Variants in POLE3 observed in about 807,000 individuals in gnomAD.
POLE3 encodes the protein DNA polymerase epsilon 3, accessory subunit.
In POLE3, 10 loss-of-function variants were observed where a neutral mutation model predicts 16.1. The observed-to-expected ratio is 0.62, with a 90% CI of 0.38 to 1.05. The LOEUF is 1.05. POLE3 is among the 50% of genes least tolerant of loss of function. POLE3 has a pLI of 0.01. For missense variants in POLE3, 169 were observed against 185.0 expected (o/e 0.91, Z 0.50); for synonymous variants, 83 against 71.0 (o/e 1.17, Z -0.85).
In POLE3 at chr9:113,410,424, G is replaced by A. The variant is rs535383231; in HGVS notation, c.-115-16C>T. 131 of 788,014 alleles carry A rather than the reference G, an allele frequency of 1.7e-4. No homozygotes were observed. The highest frequency in any genetic ancestry group is 1.4e-3 in the African/African-American group (85 of 58,950). 48.8% of individuals were successfully genotyped at this position (788,014 alleles called of 1,614,324 possible). Reference sequence around the variant, plus strand: ...CCCACGTGGCCTACAGTGTCCCACAGTGCTCTGAGCGCCATAGCCTCCCTC... The same window carrying A: ...CCCACGTGGCCTACAGTGTCCCACAATGCTCTGAGCGCCATAGCCTCCCTC... On this transcript the variant is annotated splice_polypyrimidine_tract_variant and intron_variant, in intron 1 of 4. Coordinates refer to ENST00000374171, the MANE Select transcript of POLE3 (RefSeq NM_017443.5).
chr9:113,410,381 G>A lies in POLE3; in HGVS notation c.-88C>T. 1.5e-6 allele frequency: 2 copies of A among 1,297,818 alleles called. No homozygotes were observed. The highest frequency in any genetic ancestry group is 2.5e-5 in the East Asian group (1 of 40,390). The allele number at this position is 1,297,818 out of a possible 1,614,324, so 80.4% of individuals were successfully genotyped here. On this transcript the variant is annotated 5_prime_UTR_variant, in exon 2 of 5. Coordinates refer to ENST00000374171, the MANE Select transcript of POLE3 (RefSeq NM_017443.5). ...TCCCGCGTCGCTACGGTCTGACCCT[G>A]CGAGGTTTCCGTTCCGCCCCACGTG... is the stretch of plus-strand genomic sequence containing the variant.
At chr9:113,409,359 C>CA (rs35481754) in intron 4 of POLE3, among the ~76,000 whole-genome samples, 1,647 of 89,118 alleles carry the variant, frequency 0.018, 25 homozygotes, top group East Asian at 0.064. Flanking sequence ...GACTCCGTCT[C>CA]AAAAAAAAAA....
chr9:113,408,723 C>CT lies in POLE3; in HGVS notation c.*87dup, dbSNP rs1319532475. The CT allele has an allele frequency of 3.6e-6, 4 of 1,122,962 alleles. No homozygotes were observed. The highest frequency in any genetic ancestry group is 5.2e-6 in the Non-Finnish European group (4 of 764,418). The allele number at this position is 1,122,962 out of a possible 1,614,324, so 69.6% of individuals were successfully genotyped here. A position where few individuals can be genotyped will look rare whatever the true frequency, so the allele number is the denominator to read the frequency against. On this transcript the variant is annotated 3_prime_UTR_variant, in exon 5 of 5. Coordinates refer to ENST00000374171, the MANE Select transcript of POLE3 (RefSeq NM_017443.5). ...TCAGGCACTTTTGCCTGAGACTACT[C>CT]TGCCCAGCATGGAAAAGCTTCACAG...
At chr9:113,409,043 G>A (rs34106027) in intron 4 of POLE3, 60 bp from the exon 5 acceptor site, 79,165 of 1,486,958 alleles carry the variant, frequency 0.053, 2,419 homozygotes, top group South Asian at 0.098. Flanking sequence ...ACGGACTGCA[G>A]GAGCTAATTA....
At position 113,408,686 on chromosome 9, in the gene POLE3, A is replaced by G; in HGVS notation, c.*125T>C. 1 of 754,554 alleles carries G rather than the reference A, an allele frequency of 1.3e-6. No individual in the cohort carries two copies. Among genetic ancestry groups the G allele is most frequent in the Non-Finnish European group, 2.2e-6 (1 of 447,982 alleles). 46.7% of individuals were successfully genotyped at this position (754,554 alleles called of 1,614,324 possible). On this transcript the variant is annotated 3_prime_UTR_variant, in exon 5 of 5. Transcript: ENST00000374171. ...TTGACGGTATTTCTAGTCAGTTTTTATTCTGATCTTTTCAGGCACTTTTGC... is the reference window on the plus strand; with the variant it reads ...TTGACGGTATTTCTAGTCAGTTTTTGTTCTGATCTTTTCAGGCACTTTTGC...
Position 113,410,520 on chromosome 9 carries a change from C to T in POLE3, c.-116+97G>A, listed in dbSNP as rs561783060. 7.4e-4 allele frequency: 441 copies of T among 597,816 alleles called. 2 individuals carry two copies. The highest frequency in any genetic ancestry group is 4.7e-3 in the African/African-American group (252 of 54,064). 37.0% of individuals were successfully genotyped at this position (597,816 alleles called of 1,614,324 possible). On this transcript the variant is annotated intron_variant, in intron 1 of 4. Transcript: ENST00000374171. ...ATTTTGAAGCCGCAGTGGTTTTGGC[C>T]CGCCAAGGCTTCCATCCAACCCTAC...
rs1299223971 is a variant in POLE3, at chr9:113,410,154, G to C, written c.67-14C>G. ...ACCGTCCGGGAGCTGCGAGGAGACC[G>C]GGGGTGAGCAAAGCTGCCGTTCCAG... On this transcript the variant is annotated splice_polypyrimidine_tract_variant and intron_variant, in intron 2 of 4. Coordinates refer to ENST00000374171, the MANE Select transcript of POLE3 (RefSeq NM_017443.5). 3 of 1,603,330 alleles carry C rather than the reference G, an allele frequency of 1.9e-6. No homozygotes were observed. The highest frequency in any genetic ancestry group is 3.5e-4 in the Middle Eastern group (2 of 5,706).
At position 113,408,610 on chromosome 9, in the gene POLE3, G is replaced by A. The variant is rs1386079263; in HGVS notation, c.*201C>T. 2.1e-6 allele frequency: 1 copy of A among 483,256 alleles called. No individual in the cohort carries two copies. Among genetic ancestry groups the A allele is most frequent in the South Asian group, 3.2e-5 (1 of 31,028 alleles). The allele number at this position is 483,256 out of a possible 1,614,324, so 29.9% of individuals were successfully genotyped here. ...AGGCCATAACCTTCAGATTGATGAA[G>A]CAAAACAGGATTCTGCTACTCAGAT... On this transcript the variant is annotated 3_prime_UTR_variant, in exon 5 of 5. Coordinates refer to ENST00000374171, the MANE Select transcript of POLE3 (RefSeq NM_017443.5).
At chr9:113,409,183 G>A (rs1217753643) in intron 4 of POLE3, among the ~76,000 whole-genome samples, 200 bp from the exon 5 acceptor site, 1 of 152,002 alleles carries the variant, frequency 6.6e-6, no homozygotes, top group African/African-American at 2.4e-5. Flanking sequence ...CCAATATGGT[G>A]AAACCCCGTC....
In POLE3 at chr9:113,410,093, G is replaced by A. The variant is rs371304952; in HGVS notation, c.114C>T (p.Ser38=). The A allele has an allele frequency of 4.4e-6, 7 of 1,584,582 alleles. No individual in the cohort carries two copies. The highest frequency in any genetic ancestry group is 6.0e-6 in the Non-Finnish European group (7 of 1,166,012). Residue 38 remains serine, a synonymous_variant, in exon 3 of 5, where the codon TCC becomes TCT. Coordinates refer to ENST00000374171, the MANE Select transcript of POLE3 (RefSeq NM_017443.5). Reference sequence around the variant, plus strand: ...ACAGCACGAAGACGCTGGCGGCGCGGGAGATGGCGCTCCGGGCCTCCTTGG... The same window carrying A: ...ACAGCACGAAGACGCTGGCGGCGCGAGAGATGGCGCTCCGGGCCTCCTTGG... The part of the protein sequence containing the change: ...NISKEARSAI[S]RAASVFVLYA...
intron 1 of POLE3, 25 bp downstream of exon 1, chr9:113,410,592 A>G (rs146761093): frequency 1.4e-5 from 7 of 495,962 alleles, no homozygotes; most frequent in African/African-American, 5.8e-5. Flanking sequence ...GCTTCTCGCC[A>G]TCGCCGCGTC....
chr9:113,408,835 ATTCTG>A lies in POLE3; in HGVS notation c.415_419del (p.Gln139Ter). On this transcript the variant is annotated frameshift_variant, in exon 5 of 5. Transcript: ENST00000374171. LOFTEE classifies it high-confidence loss of function. ...TTCAGTTGTCTACTTCTTCCTCTTC[ATTCTG>A]TTCTTCTTCTTCCAGCCTTTCTTCG... The A allele has an allele frequency of 3.7e-6, 6 of 1,613,624 alleles. No individual in the cohort carries two copies. The highest frequency in any genetic ancestry group is 5.1e-6 in the Non-Finnish European group (6 of 1,179,778).
intron 3 of POLE3, 54 bp downstream of exon 3, chr9:113,410,001 A>T (rs980950037): frequency 4.9e-6 from 7 of 1,430,718 alleles, no homozygotes; most frequent in Non-Finnish European, 6.7e-6. Flanking sequence ...GCTCCCAGCC[A>T]GCAACTCCCA....
upstream of POLE3, chr9:113,410,698 A>G (rs1828093977): frequency 8.3e-6 from 2 of 241,214 alleles, no homozygotes; most frequent in Non-Finnish European, 1.7e-5. Context: ...GGCCGGGCGC[A>G]GCGCGTGGGA....
At position 113,408,852 on chromosome 9, in the gene POLE3, C is replaced by T. The variant is rs1165181839; in HGVS notation, c.403G>A (p.Glu135Lys). The part of the protein sequence containing the change: ...EDNDEDEERL[E>K]EEEQNEEEEV... ...TCCTCTTCATTCTGTTCTTCTTCTT[C>T]CAGCCTTTCTTCGTCTTCATCATTG... Residue 135 changes from glutamate to lysine, a missense_variant, in exon 5 of 5, where the codon GAA becomes AAA. By Grantham distance (56) the Glu-to-Lys change is moderately conservative. Transcript: ENST00000374171. The T allele has an allele frequency of 6.2e-7, 1 of 1,613,598 alleles. No individual in the cohort carries two copies. The highest frequency in any genetic ancestry group is 8.5e-7 in the Non-Finnish European group (1 of 1,179,718).
chr9:113,408,561 T>A lies in POLE3; in HGVS notation c.*250A>T. ...AAAGCGAGCAAACTGACTAATTTAG[T>A]CGTTCAGAATCCCTCTTGTCAAAAG... On this transcript the variant is annotated 3_prime_UTR_variant, in exon 5 of 5. Coordinates refer to ENST00000374171, the MANE Select transcript of POLE3 (RefSeq NM_017443.5). 1 of 318,360 alleles carries A rather than the reference T, an allele frequency of 3.1e-6. No homozygotes were observed. Among genetic ancestry groups the A allele is most frequent in the East Asian group, 5.7e-5 (1 of 17,448 alleles). 19.7% of individuals were successfully genotyped at this position (318,360 alleles called of 1,614,324 possible).
At position 113,407,725 on chromosome 9, in the gene POLE3, G is replaced by GT. The variant is rs1827970385; in HGVS notation, c.*1085dup. The GT allele has an allele frequency of 6.6e-6, 1 of 152,182 alleles. No individual in the cohort carries two copies. 9.4% of individuals were successfully genotyped at this position (152,182 alleles called of 1,614,324 possible). A position where few individuals can be genotyped will look rare whatever the true frequency, so the allele number is the denominator to read the frequency against. On this transcript the variant is annotated 3_prime_UTR_variant, in exon 5 of 5. Coordinates refer to ENST00000374171, the MANE Select transcript of POLE3 (RefSeq NM_017443.5). ...AGACTCCATCTCTTAAAAACAAAAC[G>GT]TGAGATTAGAACTAAGGAATCAAGA...
rs2119030197 is a variant in POLE3 at position 113,407,277 on chromosome 9, C to T, written c.*1534G>A. On this transcript the variant is annotated 3_prime_UTR_variant, in exon 5 of 5. Transcript: ENST00000374171. ...TATTTGTACAAAGCATTACAATCTT[C>T]TCAGCATTCTTCACTCACAAACTTT... 1 of 152,494 alleles carries T rather than the reference C, an allele frequency of 6.6e-6. No individual in the cohort carries two copies. Among genetic ancestry groups the T allele is most frequent in the African/African-American group, 2.4e-5 (1 of 41,570 alleles). 9.4% of individuals were successfully genotyped at this position (152,494 alleles called of 1,614,324 possible).
Position 113,410,352 on chromosome 9 carries a change from G to T in POLE3, c.-59C>A. On this transcript the variant is annotated 5_prime_UTR_variant, in exon 2 of 5. Transcript: ENST00000374171. ...CCGCTTCAGGGAGCTACTGCGTCCGGACTTCCCGCGTCGCTACGGTCTGAC... is the reference window on the plus strand; with the variant it reads ...CCGCTTCAGGGAGCTACTGCGTCCGTACTTCCCGCGTCGCTACGGTCTGAC... 1.3e-6 allele frequency: 2 copies of T among 1,509,488 alleles called. No individual in the cohort carries two copies. Among genetic ancestry groups the T allele is most frequent in the South Asian group, 1.2e-5 (1 of 86,508 alleles). The allele number at this position is 1,509,488 out of a possible 1,614,324, so 93.5% of individuals were successfully genotyped here.
Sources: gnomAD v4.1 joint callset for allele counts (sites outside exome capture counted in the v4.1 genomes callset) on GRCh38, gnomAD v4.1.1 for gene constraint, MANE v1.5 for transcripts, NCBI Gene and HGNC (gene_info 2026-07-23, HGNC 2026-07-21) for gene names.